The following CCT2 variants were observed in gnomAD, a reference collection of about 807,000 sequenced individuals.
CCT2 encodes the protein chaperonin containing TCP1 subunit 2, also known as T-complex protein 1 subunit beta.
CCT2 carries 18 observed loss-of-function variants against 61.8 expected under a neutral mutation model. That is an observed-to-expected ratio of 0.29 (90% CI 0.20 to 0.43). The LOEUF (loss-of-function observed/expected upper bound fraction) is 0.43. CCT2 is among the 20% of genes least tolerant of loss of function. CCT2 has a pLI of 1.00. For synonymous variants in CCT2, 248 were observed against 215.9 expected, an observed-to-expected ratio of 1.15 and a Z score of -1.30; for missense variants, 556 against 656.9, an observed-to-expected ratio of 0.85 and a Z score of 1.68.
At chr12:69,585,816 G>C (rs1001844365) in intron 1 of CCT2, 16 of 1,351,370 alleles carry the variant, frequency 1.2e-5, no homozygotes, top group Non-Finnish European at 1.4e-5. Flanking sequence ...TCTAGTGTGG[G>C]ACCCGCTCCG....
At chr12:69,587,282 G>C in intron 3 of CCT2, 1 of 440,894 alleles carries the variant, frequency 2.3e-6, no homozygotes, top group Non-Finnish European at 4.0e-6. Flanking sequence ...TGCAGTTACG[G>C]TGTTGAAACA....
intron 14 of CCT2, 83 bp from the exon 15 acceptor site, chr12:69,599,771 TATTAATAGG>T: frequency 9.3e-7 from 1 of 1,072,632 alleles, no homozygotes; most frequent in Non-Finnish European, 1.3e-6. Flanking sequence ...GTCCTAATTT[TATTAATAGG>T]ATTAATTTTT....
chr12:69,597,259 T>C lies in CCT2; in HGVS notation c.1086T>C (p.Phe362=). The stretch of plus-strand genomic sequence containing the variant: ...TTGGAGAAGACAAACTCATTCACTT[T>C]TCTGGGGTTGCCCTTGGTGAGTGAT... ...VMIGEDKLIH[F]SGVALGEACT... The change falls in exon 11 of 16, where the codon TTT becomes TTC. Residue 362 remains phenylalanine (F), a synonymous_variant. Coordinates refer to ENST00000299300, the MANE Select transcript of CCT2 (RefSeq NM_006431.3). The C allele has an allele frequency of 6.2e-7, 1 of 1,614,032 alleles. No homozygotes were observed. The highest frequency in any genetic ancestry group is 8.5e-7 in the Non-Finnish European group (1 of 1,179,896).
rs1565797241 is a variant in CCT2 at position 69,586,262 on chromosome 12, C to T, written c.4-8C>T. 3.1e-6 allele frequency: 5 copies of T among 1,610,204 alleles called. No individual in the cohort carries two copies. The highest frequency in any genetic ancestry group is 1.3e-5 in the African/African-American group (1 of 74,976). ...TTAAACGGAATGCCTCTTGGTTTTCCTTTTCAGGCGTCCCTTTCCCTTGCA... is the reference window on the plus strand; with the variant it reads ...TTAAACGGAATGCCTCTTGGTTTTCTTTTTCAGGCGTCCCTTTCCCTTGCA... On this transcript the variant is annotated splice_polypyrimidine_tract_variant and splice_region_variant and intron_variant, in intron 1 of 15. Coordinates refer to ENST00000299300, the MANE Select transcript of CCT2 (RefSeq NM_006431.3).
intron 3 of CCT2, 22 bp from the exon 4 acceptor site, chr12:69,587,483 G>T: frequency 7.1e-7 from 1 of 1,403,936 alleles, no homozygotes; most frequent in South Asian, 1.2e-5. Flanking sequence ...GTCTTAACTT[G>T]AACCAATTAT....
intron 12 of CCT2, 39 bp from the exon 13 acceptor site, chr12:69,597,929 C>CTAA: frequency 3.3e-6 from 5 of 1,533,218 alleles, no homozygotes; most frequent in Non-Finnish European, 4.5e-6. Flanking sequence ...TTGGAGACAA[C>CTAA]TAAGCATTGC....
At chr12:69,586,683 T>C (rs1056945257) in intron 2 of CCT2, 70 bp from the exon 3 acceptor site, 3 of 1,107,544 alleles carry the variant, frequency 2.7e-6, no homozygotes, top group Non-Finnish European at 3.9e-6. Context: ...AAAAAAAAAG[T>C]AAATAAAGAT....
intron 3 of CCT2, 36 bp downstream of exon 3, chr12:69,586,854 GT>G: frequency 8.0e-7 from 1 of 1,254,736 alleles, no homozygotes; most frequent in Non-Finnish European, 1.1e-6. Context: ...TTTTAATATT[GT>G]TTTAGAGCGC....
chr12:69,601,335 CG>C lies in CCT2; in HGVS notation c.*11del, dbSNP rs1565803687. 2.5e-6 allele frequency: 4 copies of C among 1,613,776 alleles called. No individual in the cohort carries two copies. Among genetic ancestry groups the C allele is most frequent in the Non-Finnish European group, 3.4e-6 (4 of 1,179,850 alleles). On this transcript the variant is annotated 3_prime_UTR_variant, in exon 16 of 16. Coordinates refer to ENST00000299300, the MANE Select transcript of CCT2 (RefSeq NM_006431.3). ...TCACCACCCCTGTTAAGCATTCCCA[CG>C]TGCTGTCGATCTTTGGACCAGTTTC...
chr12:69,586,053 G>C (rs1881642966), intron 1 of CCT2: 8 of 1,385,030 alleles, frequency 5.8e-6, no homozygotes, highest in African/African-American at 3.2e-5. Flanking sequence ...TATACTCCCG[G>C]GGGCCTTGTA....
At position 69,599,701 on chromosome 12, in the gene CCT2, T is replaced by G. The variant is rs371410188; in HGVS notation, c.1436-162T>G. On this transcript the variant is annotated intron_variant, in intron 14 of 15. Coordinates refer to ENST00000299300, the MANE Select transcript of CCT2 (RefSeq NM_006431.3). ...TGCACCCGGCCCCTTTTAATTTTTTTAAAGGCTTTCTTTGAGCTCATTTGT... is the reference window on the plus strand; with the variant it reads ...TGCACCCGGCCCCTTTTAATTTTTTGAAAGGCTTTCTTTGAGCTCATTTGT... 1.1e-4 allele frequency: 53 copies of G among 502,756 alleles called. 1 individual carries two copies. Among genetic ancestry groups the G allele is most frequent in the African/African-American group, 8.5e-4 (43 of 50,524 alleles). 31.1% of individuals were successfully genotyped at this position (502,756 alleles called of 1,614,324 possible). A position where few individuals can be genotyped will look rare whatever the true frequency, so the allele number is the denominator to read the frequency against.
At chr12:69,591,914 GCT>G in intron 7 of CCT2, 143 bp from the exon 8 acceptor site, 1 of 501,476 alleles carries the variant, frequency 2.0e-6, no homozygotes, top group Non-Finnish European at 3.7e-6. Context: ...GGACAAGCTT[GCT>G]TTTATGCCTT....
Position 69,601,510 on chromosome 12 carries a change from C to A in CCT2, c.*185C>A. The A allele has an allele frequency of 6.9e-7, 1 of 1,440,282 alleles. No homozygotes were observed. Among genetic ancestry groups the A allele is most frequent in the South Asian group, 1.5e-5 (1 of 67,644 alleles). The allele number at this position is 1,440,282 out of a possible 1,614,324, so 89.2% of individuals were successfully genotyped here. A position where few individuals can be genotyped will look rare whatever the true frequency, so the allele number is the denominator to read the frequency against. ...TTGCCGTGTCATTTTCCATACAAATCAGTTGATTTAAAAAAGTTCATTTCT... is the reference window on the plus strand; with the variant it reads ...TTGCCGTGTCATTTTCCATACAAATAAGTTGATTTAAAAAAGTTCATTTCT... On this transcript the variant is annotated 3_prime_UTR_variant, in exon 16 of 16. Coordinates refer to ENST00000299300, the MANE Select transcript of CCT2 (RefSeq NM_006431.3).
chr12:69,592,127 G>T lies in CCT2; in HGVS notation c.718G>T (p.Ala240Ser). 1 of 1,588,794 alleles carries T rather than the reference G, an allele frequency of 6.3e-7. No homozygotes were observed. The part of the protein sequence containing the change: ...KRIENAKILI[A>S]NTGMDTDKIK... ...AATTGAAAATGCTAAAATTCTTATTGCAAATACTGGTATGGATACAGACAA... is the reference window on the plus strand; with the variant it reads ...AATTGAAAATGCTAAAATTCTTATTTCAAATACTGGTATGGATACAGACAA... The change falls in exon 8 of 16, where the codon GCA (alanine) becomes TCA (serine). Residue 240 changes from alanine (A) to serine (S), a missense_variant. By Grantham distance (99) the Ala-to-Ser change is moderately conservative. Transcript: ENST00000299300.
Position 69,585,478 on chromosome 12 carries a change from C to A in CCT2, c.-44C>A. ...TCCTTCAGTCCGCTGGTCCCGAGCA[C>A]GAGCTGTGAGGGGATTCACTTGTGT... On this transcript the variant is annotated 5_prime_UTR_variant, in exon 1 of 16. Transcript: ENST00000299300. 1.3e-6 allele frequency: 2 copies of A among 1,556,426 alleles called. No individual in the cohort carries two copies. Among genetic ancestry groups the A allele is most frequent in the Non-Finnish European group, 1.7e-6 (2 of 1,149,134 alleles).
intron 7 of CCT2, 132 bp from the exon 8 acceptor site, chr12:69,591,927 C>G (rs546170029): frequency 1.8e-5 from 10 of 560,550 alleles, no homozygotes; most frequent in South Asian, 1.3e-4. Context: ...TTTATGCCTT[C>G]TAAGAGCTTG....
At position 69,599,933 on chromosome 12, in the gene CCT2, G is replaced by A. The variant is rs749227685; in HGVS notation, c.1506G>A (p.Gln502=). The change falls in exon 15 of 16, where the codon CAG becomes CAA. Residue 502 remains glutamine, a synonymous_variant. Transcript: ENST00000299300. ...CAGAAAGTTTTCAAGTGAAGCGACA[G>A]GTTCTTCTGAGTGCAGCTGAAGCAG... The part of the protein sequence containing the change: ...GITESFQVKR[Q]VLLSAAEAAE... The A allele has an allele frequency of 6.2e-7, 1 of 1,614,042 alleles. No homozygotes were observed. The highest frequency in any genetic ancestry group is 8.5e-7 in the Non-Finnish European group (1 of 1,179,906).
intron 10 of CCT2, 39 bp from the exon 11 acceptor site, chr12:69,597,117 C>T (rs1348239928): frequency 1.3e-6 from 2 of 1,594,600 alleles, no homozygotes; most frequent in Admixed American, 1.7e-5. Context: ...GAATTTTAAG[C>T]CTGCTGTGCA....
intron 10 of CCT2, among the ~76,000 whole-genome samples, chr12:69,595,727 A>G (rs1252006754): frequency 6.6e-6 from 1 of 151,308 alleles, no homozygotes; most frequent in Non-Finnish European, 1.5e-5. Flanking sequence ...AGTAAATGGT[A>G]ATAATATATT....
Sources: gnomAD v4.1 joint callset for allele counts (sites outside exome capture counted in the v4.1 genomes callset) on GRCh38, gnomAD v4.1.1 for gene constraint, MANE v1.5 for transcripts, NCBI Gene and HGNC (gene_info 2026-07-23, HGNC 2026-07-21) for gene names.